BCAR1: variants seen among roughly 807,000 people sequenced by gnomAD.
BCAR1 encodes breast cancer anti-estrogen resistance protein 1.
In BCAR1, 30 loss-of-function variants were observed where a neutral mutation model predicts 67.6. That is an observed-to-expected ratio of 0.44 (90% CI 0.33 to 0.60). The LOEUF (loss-of-function observed/expected upper bound fraction) is 0.60. Ranked by LOEUF, BCAR1 falls within the 20% of genes least tolerant of loss-of-function variation. BCAR1 has a pLI of 0.02. For synonymous variants in BCAR1, 626 were observed against 556.7 expected (o/e 1.12, Z -1.75); for missense variants, 1,313 against 1,222.3 (o/e 1.07, Z -1.11).
chr16:75,267,682 C>T (rs2078027934), intron 1 of BCAR1, among the ~76,000 whole-genome samples: 1 of 152,050 alleles, frequency 6.6e-6, no homozygotes, highest in East Asian at 1.9e-4. Flanking sequence ...TCTCCTTTCC[C>T]ATCTCCCCCA....
At chr16:75,266,312 A>T (rs931044044) in intron 1 of BCAR1, 5 of 158,908 alleles carry the variant, frequency 3.1e-5, no homozygotes, top group Admixed American at 1.3e-4. Flanking sequence ...GGCCTCCCGG[A>T]GCCCCTCTGC....
chr16:75,263,622 C>A, intron 1 of BCAR1: 1 of 985,488 alleles, frequency 1.0e-6, no homozygotes, highest in Non-Finnish European at 1.2e-6. Context: ...GCACAACCAG[C>A]CCACCAATCT....
chr16:75,234,216 CA>C (rs1413363039), intron 5 of BCAR1, among the ~76,000 whole-genome samples: 1 of 33,264 alleles, frequency 3.0e-5, no homozygotes, highest in African/African-American at 3.4e-4. Context: ...CCCAGGCTGG[CA>C]TATGTGGGAC....
At chr16:75,251,827 C>T, upstream of BCAR1, 1 of 326,416 alleles carries the variant, frequency 3.1e-6, no homozygotes, top group Non-Finnish European at 4.4e-6. Context: ...AGGCCCCTGC[C>T]CGAGGCCAGG....
chr16:75,267,951 A>G (rs1480325335), exon 1 of BCAR1: 2 of 1,602,776 alleles, frequency 1.2e-6, no homozygotes, highest in Non-Finnish European at 1.7e-6. Flanking sequence ...GCCTGGGGGC[A>G]GCCAGAGGAG....
At chr16:75,250,384 G>A (rs2077641312) in intron 1 of BCAR1, among the ~76,000 whole-genome samples, 1 of 152,220 alleles carries the variant, frequency 6.6e-6, no homozygotes, top group African/African-American at 2.4e-5. Flanking sequence ...CGAGGGAAAG[G>A]AATGGGCACA....
intron 1 of BCAR1, chr16:75,266,732 A>G: frequency 6.9e-7 from 1 of 1,440,278 alleles, no homozygotes; most frequent in Non-Finnish European, 9.2e-7. Context: ...AGGAAGGACC[A>G]GGGGTCCGAC....
chr16:75,266,051 C>G, intron 1 of BCAR1: 3 of 1,024,484 alleles, frequency 2.9e-6, no homozygotes, highest in Non-Finnish European at 3.5e-6. Flanking sequence ...CGGCCAGGGA[C>G]GCGTTAAAGG....
intron 1 of BCAR1, chr16:75,263,373 G>A: frequency 1.0e-6 from 1 of 985,464 alleles, no homozygotes; most frequent in Non-Finnish European, 1.2e-6. Flanking sequence ...TGCAGGAAGA[G>A]TCAGGCCCAG....
At chr16:75,266,791 G>A in intron 1 of BCAR1, 1 of 1,437,508 alleles carries the variant, frequency 7.0e-7, no homozygotes. Context: ...TAGAGCAAGT[G>A]GGGCTGGGGT....
At chr16:75,239,816 G>C (rs887930588) in intron 2 of BCAR1, among the ~76,000 whole-genome samples, 1 of 152,324 alleles carries the variant, frequency 6.6e-6, no homozygotes, top group African/African-American at 2.4e-5. Flanking sequence ...TGAGGTCCCA[G>C]CACAGGGGAG....
At position 75,229,874 on chromosome 16, in the gene BCAR1, C is replaced by A; in HGVS notation, c.2250G>T (p.Gln750His). 1 of 1,613,200 alleles carries A rather than the reference C, an allele frequency of 6.2e-7. No individual in the cohort carries two copies. Among genetic ancestry groups the A allele is most frequent in the Non-Finnish European group, 8.5e-7 (1 of 1,179,934 alleles). The change falls in exon 7 of 7, where the codon CAG becomes CAT. Residue 750 changes from glutamine (Q) to histidine (H), a missense_variant. Coordinates refer to ENST00000162330, the MANE Select transcript of BCAR1 (RefSeq NM_014567.5). ...DRQLLLFYLE[Q>H]CEANLTTLTN... ...TCAGTGTGGTCAGGTTGGCCTCACA[C>A]TGCTCCAGGTAGAAGAGCAGCAGCT...
intron 4 of BCAR1, 40 bp from the exon 5 acceptor site, chr16:75,236,026 T>A (rs1012078573): frequency 2.0e-6 from 3 of 1,534,448 alleles, no homozygotes; most frequent in African/African-American, 2.7e-5. Context: ...CATCTGTCCA[T>A]CTGCCCACCC....
chr16:75,266,375 AC>A (rs2078009880), intron 1 of BCAR1: 1 of 179,458 alleles, frequency 5.6e-6, no homozygotes, highest in African/African-American at 2.4e-5. Context: ...GGAGCTCCCC[AC>A]CCCGGAAACA....
intron 4 of BCAR1, 147 bp downstream of exon 4, chr16:75,236,735 T>G: frequency 7.4e-7 from 1 of 1,351,068 alleles, no homozygotes; most frequent in Non-Finnish European, 9.5e-7. Flanking sequence ...TTTCCTCATC[T>G]GTCAACCATC....
At chr16:75,250,582 C>A in intron 1 of BCAR1, 1 of 955,512 alleles carries the variant, frequency 1.0e-6, no homozygotes, top group African/African-American at 1.8e-5. Flanking sequence ...TGTCCCCGAT[C>A]TGGAACTCGA....
chr16:75,240,922 G>T (rs1485292506), intron 2 of BCAR1, among the ~76,000 whole-genome samples: 1 of 152,272 alleles, frequency 6.6e-6, no homozygotes, highest in Non-Finnish European at 1.5e-5. Flanking sequence ...ACAGCCTCGA[G>T]GCCGGGCTCT....
intron 1 of BCAR1, chr16:75,264,768 A>T: frequency 1.4e-6 from 1 of 712,656 alleles, no homozygotes; most frequent in Non-Finnish European, 1.9e-6. Flanking sequence ...CTTCACGGAA[A>T]GGATGGGGTC....
At chr16:75,236,226 C>G in intron 4 of BCAR1, 1 of 568,320 alleles carries the variant, frequency 1.8e-6, no homozygotes, top group Non-Finnish European at 3.0e-6. Flanking sequence ...CATGACAGCT[C>G]TGGGACGAGC....
Sources: gnomAD v4.1 joint callset for allele counts (sites outside exome capture counted in the v4.1 genomes callset) on GRCh38, gnomAD v4.1.1 for gene constraint, MANE v1.5 for transcripts, NCBI Gene and HGNC (gene_info 2026-07-23, HGNC 2026-07-21) for gene names.